Variants in DISP3 observed in about 807,000 individuals in gnomAD.
DISP3 encodes dispatched RND transporter family member 3.
Under a neutral mutation model 135.3 loss-of-function variants are expected in DISP3, and 101 were observed. The observed-to-expected ratio is 0.75, with a 90% CI of 0.64 to 0.88. DISP3 has a LOEUF of 0.88. Ranked by LOEUF, DISP3 falls within the 40% of genes least tolerant of loss-of-function variation. The pLI is 0.00. For missense variants in DISP3, 1,713 were observed against 1,878.6 expected (o/e 0.91, Z 1.63); for synonymous variants, 856 against 817.0 (o/e 1.05, Z -0.81).
intron 1 of DISP3, among the ~76,000 whole-genome samples, chr1:11,494,589 C>T (rs1409005130): frequency 6.6e-6 from 1 of 152,190 alleles, no homozygotes; most frequent in Non-Finnish European, 1.5e-5. Flanking sequence ...TCTTTCCTCC[C>T]TTCTCTGGAG....
chr1:11,536,281 T>C lies in DISP3; in HGVS notation c.3817-43T>C, dbSNP rs1642703444. ...ATTCCCCAGGTGCTGGCCAGAGGGG[T>C]CCCGCAGGCAGGCTGGGCTCCCAGC... On this transcript the variant is annotated intron_variant, in intron 20 of 20. Coordinates refer to ENST00000294484, the MANE Select transcript of DISP3 (RefSeq NM_020780.2). This position sits in a 1 kb window ranked among gnomAD's most constrained non-coding sequence, Gnocchi z 4.3. 1 of 1,567,354 alleles carries C rather than the reference T, an allele frequency of 6.4e-7. No homozygotes were observed. The highest frequency in any genetic ancestry group is 2.3e-5 in the East Asian group (1 of 44,432).
Position 11,499,887 on chromosome 1 carries a change from ATT to A in DISP3, c.-3-1102_-3-1101del, listed in dbSNP as rs1248456368. 2.0e-5 allele frequency among the ~76,000 whole-genome samples: 3 copies of A among 152,262 alleles called. No homozygotes were observed. The highest frequency in any genetic ancestry group is 7.2e-5 in the African/African-American group (3 of 41,470). ...AATGTTAATAGGAAAGGCAGCATTA[ATT>A]AGCTAGCGCTAGCACAATTAGCTTC... On this transcript the variant is annotated intron_variant, in intron 1 of 20. Transcript: ENST00000294484. The surrounding 1 kb of genome is among the most constrained non-coding windows in gnomAD (Gnocchi z 5.2).
intron 1 of DISP3, among the ~76,000 whole-genome samples, chr1:11,487,297 T>C (rs1038238989): frequency 6.6e-6 from 1 of 152,144 alleles, no homozygotes; most frequent in Non-Finnish European, 1.5e-5. Flanking sequence ...TGGCTCTGGA[T>C]TGGAGAGAGT....
intron 15 of DISP3, among the ~76,000 whole-genome samples, chr1:11,530,221 G>A (rs1343563916): frequency 8.5e-5 from 13 of 152,220 alleles, no homozygotes; most frequent in Non-Finnish European, 1.8e-4. Flanking sequence ...ATGGAGAGAG[G>A]GCAATCCAGG....
rs1346597463 is a variant in DISP3, at chr1:11,519,898, C to G, written c.2200+18C>G. ...GATTGTGGGTAAGTGGGCCCTCCGG[C>G]CCTGCCCCCTGTCTCACAGCTCCAC... is the stretch of plus-strand genomic sequence containing the variant. On this transcript the variant is annotated intron_variant, in intron 9 of 20. Transcript: ENST00000294484. The surrounding 1 kb of genome is among the most constrained non-coding windows in gnomAD (Gnocchi z 4.3). 6.3e-7 allele frequency: 1 copy of G among 1,592,146 alleles called. No individual in the cohort carries two copies. The highest frequency in any genetic ancestry group is 2.2e-5 in the East Asian group (1 of 44,568).
intron 1 of DISP3, among the ~76,000 whole-genome samples, chr1:11,486,637 A>T (rs1422607776): frequency 6.6e-6 from 1 of 152,112 alleles, no homozygotes; most frequent in Non-Finnish European, 1.5e-5. Context: ...AGGTTCATGG[A>T]GCCTTCAGGA....
At chr1:11,500,048 G>A (rs890953017) in intron 1 of DISP3, among the ~76,000 whole-genome samples, 20 of 152,212 alleles carry the variant, frequency 1.3e-4, no homozygotes, top group African/African-American at 4.8e-4. Flanking sequence ...TGGAGTCCTC[G>A]GGCTGCCCAG....
In DISP3 at chr1:11,524,261, T is replaced by A. The variant is rs149451737; in HGVS notation, c.2476+206T>A. On this transcript the variant is annotated intron_variant, in intron 11 of 20. Transcript: ENST00000294484. ...AGGACAGTAGGCTCCCGCGACACCC[T>A]GGTCTGTGGTGCCCCCAGAGCCTCC... 5.1e-3 allele frequency among the ~76,000 whole-genome samples: 777 copies of A among 152,106 alleles called. 5 individuals carry two copies. The highest frequency in any genetic ancestry group is 0.027 in the Middle Eastern group (8 of 294).
chr1:11,528,136 A>T (rs1343703366), intron 13 of DISP3, among the ~76,000 whole-genome samples: 1 of 152,170 alleles, frequency 6.6e-6, no homozygotes, highest in Non-Finnish European at 1.5e-5. Context: ...CACACTCTAA[A>T]TATATCATTA....
chr1:11,521,430 C>G (rs1642190593), intron 10 of DISP3, among the ~76,000 whole-genome samples: 1 of 94,614 alleles, frequency 1.1e-5, no homozygotes, highest in South Asian at 4.2e-4. Context: ...AGGGGTTAGC[C>G]AGGCTGGGAG....
At chr1:11,533,537 G>A (rs983683001) in intron 17 of DISP3, 27 of 501,116 alleles carry the variant, frequency 5.4e-5, no homozygotes, top group African/African-American at 1.9e-4. Flanking sequence ...GATTATAGGC[G>A]TGAGCCACTG....
chr1:11,533,711 G>T, intron 17 of DISP3: 1 of 625,446 alleles, frequency 1.6e-6, no homozygotes. Context: ...CTTCCAAGCT[G>T]ACCCCACCAG....
Position 11,516,071 on chromosome 1 carries a change from C to G in DISP3, c.1659C>G (p.Arg553=). ...QATHLEDPQL[R]MIHTVQTAGK... is the part of the protein sequence containing the mutation. Reference sequence around the variant, plus strand: ...CCCACCTGGAAGACCCACAGCTGCGCATGATCCACACCGTCCAAACTGCAG... The same window carrying G: ...CCCACCTGGAAGACCCACAGCTGCGGATGATCCACACCGTCCAAACTGCAG... Residue 553 remains arginine, a synonymous_variant, in exon 6 of 21, where the codon CGC becomes CGG. Transcript: ENST00000294484. The surrounding 1 kb of genome is among the most constrained non-coding windows in gnomAD (Gnocchi z 5.1). The G allele has an allele frequency of 6.2e-7, 1 of 1,614,168 alleles. No homozygotes were observed. The highest frequency in any genetic ancestry group is 8.5e-7 in the Non-Finnish European group (1 of 1,180,016).
chr1:11,528,309 C>T (rs1642481465), intron 13 of DISP3, among the ~76,000 whole-genome samples: 1 of 152,196 alleles, frequency 6.6e-6, no homozygotes, highest in South Asian at 2.1e-4. Flanking sequence ...TCTGTGCTCT[C>T]GGGATCTCCA....
intron 1 of DISP3, among the ~76,000 whole-genome samples, chr1:11,480,659 C>T (rs1479713950): frequency 7.0e-6 from 1 of 142,530 alleles, no homozygotes; most frequent in Non-Finnish European, 1.5e-5. Flanking sequence ...GACACACTTC[C>T]ACCCCCAGCG....
intron 7 of DISP3, among the ~76,000 whole-genome samples, chr1:11,518,607 A>G (rs1642080553): frequency 6.6e-6 from 1 of 152,116 alleles, no homozygotes; most frequent in South Asian, 2.1e-4. Context: ...CAGTGGTCCT[A>G]TTGGGCACAG....
At chr1:11,510,332 C>T (rs1018950675) in intron 3 of DISP3, among the ~76,000 whole-genome samples, 4 of 151,700 alleles carry the variant, frequency 2.6e-5, no homozygotes, top group African/African-American at 9.7e-5. Flanking sequence ...TGTTGTAACT[C>T]TTTTAGTAGT....
chr1:11,481,666 C>G (rs1317093189), intron 1 of DISP3: 1 of 152,228 alleles, frequency 6.6e-6, no homozygotes, highest in African/African-American at 2.4e-5. Context: ...GGTTTCCCGT[C>G]TGTTAAAGGA....
intron 3 of DISP3, among the ~76,000 whole-genome samples, chr1:11,512,272 T>C (rs768147141): frequency 6.6e-5 from 10 of 152,202 alleles, no homozygotes; most frequent in Non-Finnish European, 1.3e-4. Context: ...TTTTTTCCAT[T>C]GCATTGTCAG....
Sources: allele counts gnomAD v4.1 joint callset (sites outside exome capture counted in the v4.1 genomes callset), GRCh38; gene constraint gnomAD v4.1.1; non-coding constraint Gnocchi (gnomAD v3.1); transcripts MANE v1.5; gene names NCBI Gene and HGNC (gene_info 2026-07-23, HGNC 2026-07-21).